The following FANCL variants were observed in gnomAD, a reference collection of about 807,000 sequenced individuals.
The protein encoded by FANCL is E3 ubiquitin-protein ligase FANCL.
Under a neutral mutation model 59.4 loss-of-function variants are expected in FANCL, and 69 were observed. The observed-to-expected ratio is 1.16, with a 90% CI of 0.96 to 1.42. The LOEUF is 1.42. Ranked by LOEUF, FANCL falls within the 40% of genes most tolerant of loss-of-function variation. The pLI, the probability that FANCL is intolerant of heterozygous loss-of-function variation, is 0.00. For synonymous variants in FANCL, 180 were observed against 147.1 expected (o/e 1.22, Z -1.62); for missense variants, 519 against 447.2 (o/e 1.16, Z -1.45).
chr2:58,216,347 C>T (rs1298388757), intron 5 of FANCL, among the ~76,000 whole-genome samples: 2 of 152,054 alleles, frequency 1.3e-5, no homozygotes, highest in East Asian at 1.9e-4. Flanking sequence ...TCATCTGGGG[C>T]CTCTAAACTA....
At chr2:58,169,619 A>G (rs1176108192) in intron 7 of FANCL, among the ~76,000 whole-genome samples, 1 of 152,058 alleles carries the variant, frequency 6.6e-6, no homozygotes, top group East Asian at 1.9e-4. Context: ...CTAAAGGAGC[A>G]TGTTCTAACC....
At chr2:58,169,013 T>G (rs559080311) in intron 7 of FANCL, among the ~76,000 whole-genome samples, 2 of 152,264 alleles carry the variant, frequency 1.3e-5, no homozygotes, top group South Asian at 4.1e-4. Flanking sequence ...GGGGCGGCTG[T>G]GGGCACAGCT....
chr2:58,183,823 C>T (rs1217915138), intron 7 of FANCL, among the ~76,000 whole-genome samples: 1 of 151,900 alleles, frequency 6.6e-6, no homozygotes, highest in Non-Finnish European at 1.5e-5. Flanking sequence ...ACATTTTAGC[C>T]ATGTACAGGA....
At position 58,165,786 on chromosome 2, in the gene FANCL, T is replaced by G. The variant is rs1181967980; in HGVS notation, c.629A>C (p.Lys210Thr). ...FWDVMDEIDE[K>T]TWVLEPEKPP... is the part of the protein sequence containing the mutation. ...TTTTTCTGGCTCAAGTACCCAGGTC[T>G]TCTCATCGATTTCATCCATAACATC... Residue 210 changes from lysine to threonine, a missense_variant, in exon 8 of 14, where the codon AAG becomes ACG. Transcript: ENST00000233741. 1 of 1,614,112 alleles carries G rather than the reference T, an allele frequency of 6.2e-7. No individual in the cohort carries two copies.
At chr2:58,173,864 C>G (rs1573569423) in intron 7 of FANCL, among the ~76,000 whole-genome samples, 1 of 151,908 alleles carries the variant, frequency 6.6e-6, no homozygotes, top group African/African-American at 2.4e-5. Context: ...GAGTCAAGAC[C>G]CATCAGTGTG....
intron 7 of FANCL, among the ~76,000 whole-genome samples, chr2:58,169,186 G>A (rs1380972716): frequency 6.6e-6 from 1 of 152,154 alleles, no homozygotes; most frequent in Non-Finnish European, 1.5e-5. Flanking sequence ...TGGCCCTCTG[G>A]GACGAAGCTT....
At chr2:58,204,899 T>C (rs2105154661) in intron 5 of FANCL, among the ~76,000 whole-genome samples, 1 of 152,232 alleles carries the variant, frequency 6.6e-6, no homozygotes, top group South Asian at 2.1e-4. Flanking sequence ...AATGCATGAA[T>C]TTTCTACAAT....
At chr2:58,239,478 G>A (rs977725457) in intron 1 of FANCL, among the ~76,000 whole-genome samples, 8 of 152,168 alleles carry the variant, frequency 5.3e-5, no homozygotes, top group African/African-American at 1.9e-4. Context: ...CAAACAGACT[G>A]AGAATTGTTC....
At chr2:58,217,201 T>G (rs6724359) in intron 5 of FANCL, among the ~76,000 whole-genome samples, 5 of 12,292 alleles carry the variant, frequency 4.1e-4, no homozygotes, top group Non-Finnish European at 6.5e-4. Context: ...TATATATATA[T>G]ATATATATAT....
intron 8 of FANCL, 22 bp downstream of exon 8, chr2:58,165,702 C>A (rs766392516): frequency 6.2e-7 from 1 of 1,613,776 alleles, no homozygotes; most frequent in South Asian, 1.1e-5. Flanking sequence ...AAAAACAAAC[C>A]CTTAATCCTC....
rs531148932 is a variant in FANCL at position 58,176,616 on chromosome 2, T to C, written c.541-10742A>G. 5.9e-5 allele frequency among the ~76,000 whole-genome samples: 9 copies of C among 152,290 alleles called. No homozygotes were observed. The South Asian group carries it at 8.3e-4, about 14-fold the overall frequency. ...AACCGGATCCCTTCCTTACACCTTATACAAAAATTAATTCAAGATGGATTA... is the reference window on the plus strand; with the variant it reads ...AACCGGATCCCTTCCTTACACCTTACACAAAAATTAATTCAAGATGGATTA... On this transcript the variant is annotated intron_variant, in intron 7 of 13. Transcript: ENST00000233741.
At chr2:58,170,339 T>C (rs1036358395) in intron 7 of FANCL, among the ~76,000 whole-genome samples, 1 of 152,156 alleles carries the variant, frequency 6.6e-6, no homozygotes, top group African/African-American at 2.4e-5. Context: ...CAAATCCTGA[T>C]AGATCTTGTC....
chr2:58,176,102 A>G (rs1250877142), intron 7 of FANCL, among the ~76,000 whole-genome samples: 47 of 151,134 alleles, frequency 3.1e-4, no homozygotes, highest in Admixed American at 5.3e-4. Context: ...AAGGAGAACT[A>G]CAAACCACTG....
chr2:58,163,407 A>C lies in FANCL; in HGVS notation c.775+27T>G, dbSNP rs374928731. 2.2e-5 allele frequency: 32 copies of C among 1,481,680 alleles called. No homozygotes were observed. The African/African-American group carries it at 4.0e-4, about 19-fold the overall frequency. The allele number at this position is 1,481,680 out of a possible 1,614,324, so 91.8% of individuals were successfully genotyped here. On this transcript the variant is annotated intron_variant, in intron 9 of 13. Transcript: ENST00000233741. ...GGCAAGGATTTTATGACTCTATTAA[A>C]AAACGTTTAAATCTCAGATGTCATA...
At chr2:58,212,019 A>T (rs1272859845) in intron 5 of FANCL, among the ~76,000 whole-genome samples, 2 of 152,310 alleles carry the variant, frequency 1.3e-5, no homozygotes, top group Non-Finnish European at 2.9e-5. Context: ...CCACATTTTC[A>T]GGTATCTTCT....
chr2:58,230,244 G>A (rs762876936), intron 2 of FANCL, among the ~76,000 whole-genome samples: 41 of 152,064 alleles, frequency 2.7e-4, no homozygotes, highest in Admixed American at 1.1e-3. Context: ...ATTTGAAAAA[G>A]CATGTGTAGC....
intron 5 of FANCL, among the ~76,000 whole-genome samples, chr2:58,218,346 C>T (rs964819606): frequency 3.3e-5 from 5 of 151,602 alleles, no homozygotes; most frequent in African/African-American, 7.3e-5. Flanking sequence ...AAATTAACAA[C>T]GCTAAAAGTT....
At chr2:58,221,871 A>T (rs900921802) in intron 5 of FANCL, 71 bp downstream of exon 5, 1 of 1,123,788 alleles carries the variant, frequency 8.9e-7, no homozygotes, top group African/African-American at 1.6e-5. Flanking sequence ...ATAAACTGCT[A>T]AAACTAGAAA....
chr2:58,161,838 G>A (rs983461966), intron 11 of FANCL, among the ~76,000 whole-genome samples, 200 bp from the exon 12 acceptor site: 4 of 151,770 alleles, frequency 2.6e-5, no homozygotes, highest in East Asian at 1.9e-4. Context: ...TTTAGAATAC[G>A]AAATCATCTA....
Sources: gnomAD v4.1 joint callset for allele counts (sites outside exome capture counted in the v4.1 genomes callset) on GRCh38, gnomAD v4.1.1 for gene constraint, MANE v1.5 for transcripts, NCBI Gene and HGNC (gene_info 2026-07-23, HGNC 2026-07-21) for gene names.